MGAM: variants seen among roughly 807,000 people sequenced by gnomAD.
The protein encoded by MGAM is maltase-glucoamylase, also known as alpha-1,4-glucosidase.
A neutral mutation model predicts 358.8 loss-of-function variants in MGAM; 253 were observed. The ratio of observed to expected loss-of-function variants is 0.71; its 90% CI spans 0.64 to 0.78. The LOEUF (loss-of-function observed/expected upper bound fraction) is 0.78, where lower values mean the gene tolerates loss of function less well. Among genes scored for constraint, MGAM ranks in the 30% least tolerant of loss-of-function variants. The pLI, the probability that MGAM is intolerant of heterozygous loss-of-function variation, is 0.00. For synonymous variants in MGAM, 1,105 were observed against 1,227.1 expected (o/e 0.90, Z 2.08); for missense variants, 3,080 against 3,432.6 (o/e 0.90, Z 2.57).
Position 142,059,922 on chromosome 7 carries a change from G to A in MGAM, c.4015G>A (p.Val1339Ile), listed in dbSNP as rs745975997. 6.8e-6 allele frequency: 11 copies of A among 1,610,496 alleles called. No individual in the cohort carries two copies. The highest frequency in any genetic ancestry group is 2.7e-5 in the African/African-American group (2 of 74,866). ...CTTCACTCGGGGCGTGGAGGATGAC[G>A]TCTTCATCAAATACCCAAATGATGG... ...PAFTRGVEDD[V>I]FIKYPNDGDI... Residue 1339 changes from valine (V) to isoleucine (I), a missense_variant, in exon 33 of 71, where the codon GTC (valine) becomes ATC (isoleucine). Transcript: ENST00000475668.
chr7:142,087,078 T>C (rs79965271), intron 57 of MGAM, among the ~76,000 whole-genome samples: 34,934 of 120,480 alleles, frequency 0.29, 7,141 homozygotes, highest in Middle Eastern at 0.39. Flanking sequence ...TCTGAACTGG[T>C]ATACTTAACT....
At chr7:142,095,851 C>T (rs539440772) in intron 64 of MGAM, 138 bp downstream of exon 64, 5 of 1,330,368 alleles carry the variant, frequency 3.8e-6, no homozygotes, top group Non-Finnish European at 5.2e-6. Context: ...CTTTATTACT[C>T]TCTTTAGCAC....
In MGAM at chr7:142,031,836, A is replaced by G. The variant is rs1554463921; in HGVS notation, c.1584+43A>G. ...GGATTATTAGGTGACAAATATTCAA[A>G]TTGTGTATATCTGTATCTGTATCTT... On this transcript the variant is annotated intron_variant, in intron 13 of 70. Coordinates refer to ENST00000475668, the MANE Select transcript of MGAM (RefSeq NM_001365693.1). The G allele has an allele frequency of 2.3e-6, 3 of 1,316,002 alleles. No individual in the cohort carries two copies. The South Asian group carries it at 3.5e-5, about 16-fold the overall frequency. 81.5% of individuals were successfully genotyped at this position (1,316,002 alleles called of 1,614,324 possible). A position where few individuals can be genotyped will look rare whatever the true frequency, so the allele number is the denominator to read the frequency against.
intron 30 of MGAM, among the ~76,000 whole-genome samples, chr7:142,057,838 A>C (rs139874976): frequency 6.6e-6 from 1 of 152,310 alleles, no homozygotes; most frequent in Non-Finnish European, 1.5e-5. Flanking sequence ...CGTTATTTAC[A>C]GATGAAGAAA....
rs964230745 is a variant in MGAM at position 142,055,718 on chromosome 7, C to A, written c.3475C>A (p.Pro1159Thr). 6.2e-7 allele frequency: 1 copy of A among 1,613,746 alleles called. No individual in the cohort carries two copies. Among genetic ancestry groups the A allele is most frequent in the Non-Finnish European group, 8.5e-7 (1 of 1,179,872 alleles). ...TTGGGGGATGTTCTCCCGAGACCAGCCCCCAGGGGTAAGGACAGAGCATTT... is the reference window on the plus strand; with the variant it reads ...TTGGGGGATGTTCTCCCGAGACCAGACCCCAGGGGTAAGGACAGAGCATTT... ...HTWGMFSRDQ[P>T]PGYKKNSYGV... Residue 1159 changes from proline (P) to threonine (T), a missense_variant, in exon 28 of 71, where the codon CCC becomes ACC. Physicochemically the swap from Pro to Thr is conservative, Grantham distance 38. Around this residue, in one of 5 missense-constraint regions of MGAM, gnomAD observed 1,816 missense variants for 1,840.5 expected, o/e 0.99. Coordinates refer to ENST00000475668, the MANE Select transcript of MGAM (RefSeq NM_001365693.1).
rs1156769846 is a variant in MGAM, at chr7:142,059,460, G to A, written c.3820-12G>A. 1.2e-6 allele frequency: 2 copies of A among 1,604,102 alleles called. No individual in the cohort carries two copies. Among genetic ancestry groups the A allele is most frequent in the Middle Eastern group, 3.3e-4 (2 of 6,006 alleles). Reference sequence around the variant, plus strand: ...CAGCAGCAGCCTCTCAGCTCCCCATGTCCTCCCGCAGGATGTGCAGTACTC... The same window carrying A: ...CAGCAGCAGCCTCTCAGCTCCCCATATCCTCCCGCAGGATGTGCAGTACTC... On this transcript the variant is annotated splice_polypyrimidine_tract_variant and intron_variant, in intron 31 of 70. Coordinates refer to ENST00000475668, the MANE Select transcript of MGAM (RefSeq NM_001365693.1).
In MGAM at chr7:142,044,564, G is replaced by T. The variant is rs1183544160; in HGVS notation, c.2499-3221G>T. On this transcript the variant is annotated intron_variant, in intron 21 of 70. Transcript: ENST00000475668. ...GATATATAATGTATATTATATACAC[G>T]TGTAATATATGATATATAATGTATA... 2.7e-4 allele frequency among the ~76,000 whole-genome samples: 25 copies of T among 93,408 alleles called. 3 individuals carry two copies. The highest frequency in any genetic ancestry group is 8.3e-4 in the African/African-American group (20 of 24,170). 61.3% of individuals were successfully genotyped at this position (93,408 alleles called of 152,430 possible). A position where few individuals can be genotyped will look rare whatever the true frequency, so the allele number is the denominator to read the frequency against.
At position 142,086,358 on chromosome 7, in the gene MGAM, C is replaced by G. The variant is rs138034783; in HGVS notation, c.6747+30C>G. On this transcript the variant is annotated intron_variant, in intron 56 of 70. Transcript: ENST00000475668. The stretch of plus-strand genomic sequence containing the variant: ...AATCCTAAGCGATGATCCAGTAGTC[C>G]CTAGCCTGAGGGTGGGTCACTGTTA... 20 of 1,469,020 alleles carry G rather than the reference C, an allele frequency of 1.4e-5. 4 individuals carry two copies. The highest frequency in any genetic ancestry group is 1.9e-5 in the Non-Finnish European group (20 of 1,075,262). 91.0% of individuals were successfully genotyped at this position (1,469,020 alleles called of 1,614,324 possible). A position where few individuals can be genotyped will look rare whatever the true frequency, so the allele number is the denominator to read the frequency against.
rs199504784 is a variant in MGAM, at chr7:142,052,430, G to A, written c.2942G>A (p.Arg981His). The A allele has an allele frequency of 9.8e-5, 158 of 1,613,392 alleles. No homozygotes were observed. Among genetic ancestry groups the A allele is most frequent in the Non-Finnish European group, 1.2e-4 (144 of 1,179,708 alleles). The change falls in exon 25 of 71, where the codon CGT becomes CAT. Residue 981 changes from arginine to histidine, a missense_variant. Arg to His is a conservative substitution (Grantham distance 29). Around this residue, in one of 5 missense-constraint regions of MGAM, gnomAD observed 1,816 missense variants for 1,840.5 expected, o/e 0.99. Coordinates refer to ENST00000475668, the MANE Select transcript of MGAM (RefSeq NM_001365693.1). ...NGASAENCTA[R>H]GCIWEASNSS... ...GCTTCTGCCGAAAACTGCACTGCCC[G>A]TGGCTGTATCTGGGAGGTAACCATG...
intron 21 of MGAM, among the ~76,000 whole-genome samples, chr7:142,046,463 C>G (rs1177640950): frequency 6.6e-6 from 1 of 151,910 alleles, no homozygotes; most frequent in Non-Finnish European, 1.5e-5. Flanking sequence ...TTCCAACTGG[C>G]ATTATGTTAG....
intron 36 of MGAM, 116 bp from the exon 37 acceptor site, chr7:142,064,268 A>C: frequency 4.2e-6 from 6 of 1,445,166 alleles, no homozygotes; most frequent in Non-Finnish European, 5.7e-6. Flanking sequence ...GGAGATGGAG[A>C]GCGACACAGG....
intron 42 of MGAM, among the ~76,000 whole-genome samples, chr7:142,067,935 A>AATATAT (rs547783903): frequency 3.4e-5 from 1 of 29,198 alleles, no homozygotes; most frequent in Non-Finnish European, 8.7e-5. Context: ...ACCTCCCTCA[A>AATATAT]ATATATATAT....
At chr7:142,088,991 T>C (rs1452578785) in intron 57 of MGAM, among the ~76,000 whole-genome samples, 1 of 100,420 alleles carries the variant, frequency 1.0e-5, no homozygotes, top group African/African-American at 3.2e-5. Flanking sequence ...TATGTATGTA[T>C]GTATGTATCT....
In MGAM at chr7:142,020,702, C is replaced by A. The variant is rs572807001; in HGVS notation, c.449-272C>A. ...GCAACCTCCACCTCTGGGGTTGAAG[C>A]AATTCTCCTGCCTACAAAGTAGCTG... On this transcript the variant is annotated intron_variant, in intron 4 of 70. Transcript: ENST00000475668. Among the ~76,000 whole-genome samples, 588 of 150,666 alleles carry A rather than the reference C, an allele frequency of 3.9e-3. 2 individuals carry two copies. The highest frequency in any genetic ancestry group is 7.0e-3 in the Non-Finnish European group (476 of 67,798).
chr7:142,008,629 C>T lies in MGAM; in HGVS notation c.251C>T (p.Thr84Ile), dbSNP rs1554453321. 1.9e-6 allele frequency: 3 copies of T among 1,613,572 alleles called. No homozygotes were observed. In the South Asian group the frequency reaches 3.3e-5, roughly 18 times the overall value. Residue 84 changes from threonine to isoleucine, a missense_variant, in exon 3 of 71, where the codon ACT (threonine) becomes ATT (isoleucine). Thr to Ile is a moderately conservative substitution (Grantham distance 89). Transcript: ENST00000475668. The part of the protein sequence containing the change: ...GPPDPGTTGT[T>I]PVSAECPVVN... ...CCAGATCCTGGAACAACTGGTACCA[C>T]TCCTGTTTCTGCTGAATGTCCAGTG...
At chr7:141,989,131 G>GGAGAGA (rs141287011) in intron 2 of MGAM, among the ~76,000 whole-genome samples, 1 of 148,088 alleles carries the variant, frequency 6.8e-6, no homozygotes, top group African/African-American at 2.5e-5. Flanking sequence ...AGAGAAAGAG[G>GGAGAGA]GAGAGAGAGA....
At chr7:142,020,926 A>G in intron 4 of MGAM, 48 bp from the exon 5 acceptor site, 1 of 1,275,322 alleles carries the variant, frequency 7.8e-7, no homozygotes. Context: ...CTATTATTTG[A>G]GAATTTGCAG....
Position 142,064,432 on chromosome 7 carries a change from A to G in MGAM, c.4394A>G (p.Glu1465Gly). 1.9e-6 allele frequency: 3 copies of G among 1,605,780 alleles called. No homozygotes were observed. Among genetic ancestry groups the G allele is most frequent in the Non-Finnish European group, 2.6e-6 (3 of 1,176,036 alleles). Reference protein sequence around the residue: ...RGLSSKTLCMESQQILPDGSL... With the variant: ...RGLSSKTLCMGSQQILPDGSL... ...CTGAGCAGCAAGACCCTTTGTATGG[A>G]GAGTCAGCAGATCCTCCCAGACGGC... The change falls in exon 37 of 71, where the codon GAG (glutamate) becomes GGG (glycine). Residue 1465 changes from glutamate to glycine, a missense_variant. Around this residue, in one of 5 missense-constraint regions of MGAM, gnomAD observed 1,816 missense variants for 1,840.5 expected, o/e 0.99. Coordinates refer to ENST00000475668, the MANE Select transcript of MGAM (RefSeq NM_001365693.1).
chr7:142,015,892 T>C (rs1805924002), intron 3 of MGAM, among the ~76,000 whole-genome samples: 1 of 152,164 alleles, frequency 6.6e-6, no homozygotes, highest in South Asian at 2.1e-4. Context: ...CAAATGATTA[T>C]ATGGTATACT....
Sources: allele counts gnomAD v4.1 joint callset (sites outside exome capture counted in the v4.1 genomes callset), GRCh38; gene constraint gnomAD v4.1.1; regional missense constraint gnomAD v4.1.1; transcripts MANE v1.5; gene names NCBI Gene and HGNC (gene_info 2026-07-23, HGNC 2026-07-21).